ARL4D: variants seen among roughly 807,000 people sequenced by gnomAD.
ARL4D encodes the protein ARF like GTPase 4D.
In ARL4D, 1 loss-of-function variant was observed where a neutral mutation model predicts 0.6. The ratio of observed to expected loss-of-function variants is 1.64; its 90% CI spans 0.58 to 7.76. ARL4D has a LOEUF of 7.76. ARL4D is among the 30% of genes most tolerant of loss of function. The pLI is 0.14. For synonymous variants in ARL4D, 102 were observed against 115.2 expected, an observed-to-expected ratio of 0.89 and a Z score of 0.73; for missense variants, 230 against 264.5, an observed-to-expected ratio of 0.87 and a Z score of 0.90.
At chr17:43,399,315 T>A (rs1392484110) in intron 1 of ARL4D, among the ~76,000 whole-genome samples, 1 of 151,932 alleles carries the variant, frequency 6.6e-6, no homozygotes, top group Non-Finnish European at 1.5e-5. Flanking sequence ...TAGCTCTTAG[T>A]TTGGGGGCAC....
chr17:43,399,540 AAGG>A, intron 1 of ARL4D, 118 bp from the exon 2 acceptor site: 1 of 722,030 alleles, frequency 1.4e-6, no homozygotes, highest in Admixed American at 3.2e-5. Flanking sequence ...AAAAAAAAAA[AAGG>A]AAAGGAATTT....
Position 43,400,601 on chromosome 17 carries a change from T to G in ARL4D, c.*263T>G. The G allele has an allele frequency of 2.6e-6, 1 of 386,332 alleles. No homozygotes were observed. The highest frequency in any genetic ancestry group is 4.4e-5 in the East Asian group (1 of 22,594). 23.9% of individuals were successfully genotyped at this position (386,332 alleles called of 1,614,324 possible). A position where few individuals can be genotyped will look rare whatever the true frequency, so the allele number is the denominator to read the frequency against. On this transcript the variant is annotated 3_prime_UTR_variant, in exon 2 of 2. Transcript: ENST00000320033. ...GAGACGTAAATGTAAACTGTGACTCTACCTCGACCCTGTTTCTTATTTTTC... is the reference window on the plus strand; with the variant it reads ...GAGACGTAAATGTAAACTGTGACTCGACCTCGACCCTGTTTCTTATTTTTC...
At position 43,399,966 on chromosome 17, in the gene ARL4D, G is replaced by A. The variant is rs2058081125; in HGVS notation, c.234G>A (p.Gly78=). 2 of 1,614,060 alleles carry A rather than the reference G, an allele frequency of 1.2e-6. No individual in the cohort carries two copies. The highest frequency in any genetic ancestry group is 2.2e-5 in the East Asian group (1 of 44,854). Reference sequence around the variant, plus strand: ...TCACCTTCCAAGTGTGGGACGTCGGGGGGCAGGAGAAGCTGCGACCACTGT... The same window carrying A: ...TCACCTTCCAAGTGTGGGACGTCGGAGGGCAGGAGAAGCTGCGACCACTGT... The part of the protein sequence containing the change: ...RGITFQVWDV[G]GQEKLRPLWR... The change falls in exon 2 of 2, where the codon GGG becomes GGA. Residue 78 remains glycine (G), a synonymous_variant. Coordinates refer to ENST00000320033, the MANE Select transcript of ARL4D (RefSeq NM_001661.4).
Position 43,399,967 on chromosome 17 carries a change from G to T in ARL4D, c.235G>T (p.Gly79Trp). 1.9e-6 allele frequency: 3 copies of T among 1,614,074 alleles called. No homozygotes were observed. The highest frequency in any genetic ancestry group is 2.5e-6 in the Non-Finnish European group (3 of 1,180,020). Reference sequence around the variant, plus strand: ...CACCTTCCAAGTGTGGGACGTCGGGGGGCAGGAGAAGCTGCGACCACTGTG... The same window carrying T: ...CACCTTCCAAGTGTGGGACGTCGGGTGGCAGGAGAAGCTGCGACCACTGTG... Reference protein sequence around the residue: ...GITFQVWDVGGQEKLRPLWRS... With the variant: ...GITFQVWDVGWQEKLRPLWRS... Residue 79 changes from glycine (G) to tryptophan (W), a missense_variant, in exon 2 of 2, where the codon GGG becomes TGG. By Grantham distance (184) the Gly-to-Trp change is radical. Coordinates refer to ENST00000320033, the MANE Select transcript of ARL4D (RefSeq NM_001661.4).
At chr17:43,399,272 C>T (rs946742465) in intron 1 of ARL4D, among the ~76,000 whole-genome samples, 179 bp downstream of exon 1, 1 of 151,996 alleles carries the variant, frequency 6.6e-6, no homozygotes, top group African/African-American at 2.4e-5. Context: ...GGGTGGGAGC[C>T]GGACTCAATC....
rs1188671534 is a variant in ARL4D, at chr17:43,400,112, G to A, written c.380G>A (p.Gly127Asp). ...HRISRASDNQGVPVLVLANKQ... is the reference protein window; with the variant it reads ...HRISRASDNQDVPVLVLANKQ... ...ATCAGCCGGGCCTCGGACAACCAGG[G>A]CGTGCCAGTGCTGGTGCTGGCCAAC... Residue 127 changes from glycine to aspartate, a missense_variant, in exon 2 of 2, where the codon GGC becomes GAC. Gly to Asp is a moderately conservative substitution (Grantham distance 94). Around this residue, in one of 3 missense-constraint regions of ARL4D, gnomAD observed 131 missense variants for 134.4 expected, o/e 0.97. Coordinates refer to ENST00000320033, the MANE Select transcript of ARL4D (RefSeq NM_001661.4). The A allele has an allele frequency of 2.5e-6, 4 of 1,610,742 alleles. No individual in the cohort carries two copies. The highest frequency in any genetic ancestry group is 1.1e-5 in the South Asian group (1 of 91,072).
chr17:43,400,398 G>A lies in ARL4D; in HGVS notation c.*60G>A, dbSNP rs997417710. 1 of 1,519,132 alleles carries A rather than the reference G, an allele frequency of 6.6e-7. No homozygotes were observed. Among genetic ancestry groups the A allele is most frequent in the East Asian group, 2.3e-5 (1 of 44,022 alleles). 94.1% of individuals were successfully genotyped at this position (1,519,132 alleles called of 1,614,324 possible). A position where few individuals can be genotyped will look rare whatever the true frequency, so the allele number is the denominator to read the frequency against. ...GGGGTCTGCACACTTGGACAGCAGG[G>A]TGGGACCAGCCTGTGACCTCTCAGT... On this transcript the variant is annotated 3_prime_UTR_variant, in exon 2 of 2. Coordinates refer to ENST00000320033, the MANE Select transcript of ARL4D (RefSeq NM_001661.4).
In ARL4D at chr17:43,400,100, C is replaced by G; in HGVS notation, c.368C>G (p.Ser123Trp). The G allele has an allele frequency of 1.9e-6, 3 of 1,611,522 alleles. No individual in the cohort carries two copies. The highest frequency in any genetic ancestry group is 1.7e-6 in the Non-Finnish European group (2 of 1,179,946). The change falls in exon 2 of 2, where the codon TCG becomes TGG. Residue 123 changes from serine to tryptophan, a missense_variant. By Grantham distance (177) the Ser-to-Trp change is radical. This residue lies in a region of ARL4D where 131 missense variants were observed against 134.4 expected (regional missense o/e 0.97). Transcript: ENST00000320033. ...GAGTTGCACCGAATCAGCCGGGCCT[C>G]GGACAACCAGGGCGTGCCAGTGCTG... Reference protein sequence around the residue: ...KVELHRISRASDNQGVPVLVL... With the variant: ...KVELHRISRAWDNQGVPVLVL...
chr17:43,399,182 GGA>G (rs1567909380), intron 1 of ARL4D, 89 bp downstream of exon 1: 2 of 157,674 alleles, frequency 1.3e-5, no homozygotes, highest in African/African-American at 2.4e-5. Context: ...CGGGCGGGCA[GGA>G]GAGTGTCGCG....
chr17:43,399,818 T>A lies in ARL4D; in HGVS notation c.86T>A (p.Leu29Gln). 6.2e-7 allele frequency: 1 copy of A among 1,614,058 alleles called. No homozygotes were observed. The highest frequency in any genetic ancestry group is 1.1e-5 in the South Asian group (1 of 91,068). Residue 29 changes from leucine (L) to glutamine (Q), a missense_variant, in exon 2 of 2, where the codon CTG becomes CAG. Coordinates refer to ENST00000320033, the MANE Select transcript of ARL4D (RefSeq NM_001661.4). ...GCCCTGCATGTCGTGGTCATTGGGC[T>A]GGACTCTGCTGGAAAGACCTCCCTC... is the stretch of plus-strand genomic sequence containing the variant. Reference protein sequence around the residue: ...FQALHVVVIGLDSAGKTSLLY... With the variant: ...FQALHVVVIGQDSAGKTSLLY...
In ARL4D at chr17:43,400,958, T is replaced by C. The variant is rs1313712546; in HGVS notation, c.*620T>C. 1.2e-5 allele frequency: 2 copies of C among 167,098 alleles called. No individual in the cohort carries two copies. The highest frequency in any genetic ancestry group is 2.9e-5 in the Non-Finnish European group (2 of 68,140). 10.4% of individuals were successfully genotyped at this position (167,098 alleles called of 1,614,324 possible). A position where few individuals can be genotyped will look rare whatever the true frequency, so the allele number is the denominator to read the frequency against. ...TAGCTCTTACCTTGGTCTGGGGCAT[T>C]TTCCTCTCCTTATCTTGCCCCAGAG... On this transcript the variant is annotated 3_prime_UTR_variant, in exon 2 of 2. Transcript: ENST00000320033.
rs200670918 is a variant in ARL4D at position 43,400,345 on chromosome 17, C to G, written c.*7C>G. The G allele has an allele frequency of 6.4e-7, 1 of 1,561,058 alleles. No homozygotes were observed. Among genetic ancestry groups the G allele is most frequent in the East Asian group, 2.3e-5 (1 of 44,422 alleles). ...TGGCAAGAAGAGACGGTGACCCAAG[C>G]CCCCCCTCCCTTTCCTCCCACCTAG... On this transcript the variant is annotated 3_prime_UTR_variant, in exon 2 of 2. Coordinates refer to ENST00000320033, the MANE Select transcript of ARL4D (RefSeq NM_001661.4).
At chr17:43,399,129 C>G (rs1555624844) in intron 1 of ARL4D, 36 bp downstream of exon 1, 1 of 155,990 alleles carries the variant, frequency 6.4e-6, no homozygotes, top group Non-Finnish European at 1.4e-5. Flanking sequence ...GAGGCGGTCC[C>G]GGTGCCGGGC....
In ARL4D at chr17:43,400,196, G is replaced by A. The variant is rs757796175; in HGVS notation, c.464G>A (p.Arg155Gln). The change falls in exon 2 of 2, where the codon CGA (arginine) becomes CAA (glutamine). Residue 155 changes from arginine (R) to glutamine (Q), a missense_variant. This residue lies in a region of ARL4D where 131 missense variants were observed against 134.4 expected (regional missense o/e 0.97). Coordinates refer to ENST00000320033, the MANE Select transcript of ARL4D (RefSeq NM_001661.4). ...AAEVEKRLAV[R>Q]ELAAATLTHV... The stretch of plus-strand genomic sequence containing the variant: ...GAGGTGGAGAAGAGGCTGGCAGTCC[G>A]AGAGCTAGCAGCCGCCACTCTCACT... The A allele has an allele frequency of 1.9e-6, 3 of 1,595,572 alleles. No individual in the cohort carries two copies. Among genetic ancestry groups the A allele is most frequent in the East Asian group, 2.3e-5 (1 of 44,104 alleles).
In ARL4D at chr17:43,400,537, T is replaced by C; in HGVS notation, c.*199T>C. 1 of 648,638 alleles carries C rather than the reference T, an allele frequency of 1.5e-6. No homozygotes were observed. The highest frequency in any genetic ancestry group is 1.8e-5 in the African/African-American group (1 of 54,834). 40.2% of individuals were successfully genotyped at this position (648,638 alleles called of 1,614,324 possible). A position where few individuals can be genotyped will look rare whatever the true frequency, so the allele number is the denominator to read the frequency against. ...GAGATGGGATGTCTTTGCATATCTC[T>C]CTCATCCTCTCTGGAGAAGTGGGCG... On this transcript the variant is annotated 3_prime_UTR_variant, in exon 2 of 2. Coordinates refer to ENST00000320033, the MANE Select transcript of ARL4D (RefSeq NM_001661.4).
At position 43,400,750 on chromosome 17, in the gene ARL4D, C is replaced by T. The variant is rs962707831; in HGVS notation, c.*412C>T. The T allele has an allele frequency of 1.1e-5, 2 of 180,060 alleles. No homozygotes were observed. Among genetic ancestry groups the T allele is most frequent in the Admixed American group, 5.7e-5 (1 of 17,578 alleles). The allele number at this position is 180,060 out of a possible 1,614,324, so 11.2% of individuals were successfully genotyped here. A position where few individuals can be genotyped will look rare whatever the true frequency, so the allele number is the denominator to read the frequency against. On this transcript the variant is annotated 3_prime_UTR_variant, in exon 2 of 2. Coordinates refer to ENST00000320033, the MANE Select transcript of ARL4D (RefSeq NM_001661.4). The stretch of plus-strand genomic sequence containing the variant: ...TCTGTCCCCCAACTGGGGAGTCTCC[C>T]CAGGCTGCTTTTCTAGGAATACCAG...
At position 43,400,478 on chromosome 17, in the gene ARL4D, G is replaced by A; in HGVS notation, c.*140G>A. On this transcript the variant is annotated 3_prime_UTR_variant, in exon 2 of 2. Transcript: ENST00000320033. ...AATGAAGGAGAGAGGAGCATGGGGT[G>A]TCCCGTTTTGGTGCCACACTGGGGT... The A allele has an allele frequency of 8.5e-7, 1 of 1,175,128 alleles. No individual in the cohort carries two copies. Among genetic ancestry groups the A allele is most frequent in the Admixed American group, 2.9e-5 (1 of 34,544 alleles). The allele number at this position is 1,175,128 out of a possible 1,614,324, so 72.8% of individuals were successfully genotyped here. A position where few individuals can be genotyped will look rare whatever the true frequency, so the allele number is the denominator to read the frequency against.
chr17:43,400,536 C>G lies in ARL4D; in HGVS notation c.*198C>G. 1 of 649,998 alleles carries G rather than the reference C, an allele frequency of 1.5e-6. No individual in the cohort carries two copies. The highest frequency in any genetic ancestry group is 2.6e-6 in the Non-Finnish European group (1 of 379,858). The allele number at this position is 649,998 out of a possible 1,614,324, so 40.3% of individuals were successfully genotyped here. On this transcript the variant is annotated 3_prime_UTR_variant, in exon 2 of 2. Transcript: ENST00000320033. ...GGAGATGGGATGTCTTTGCATATCT[C>G]TCTCATCCTCTCTGGAGAAGTGGGC...
At position 43,399,742 on chromosome 17, in the gene ARL4D, C is replaced by T. The variant is rs1333702358; in HGVS notation, c.10C>T (p.His4Tyr). The change falls in exon 2 of 2, where the codon CAC (histidine) becomes TAC (tyrosine). Residue 4 changes from histidine (H) to tyrosine (Y), a missense_variant. Transcript: ENST00000320033. Reference protein sequence around the residue: MGNHLTEMAPTASS... With the variant: MGNYLTEMAPTASS... ...GGCGCCTTAGCTCACTATGGGGAAC[C>T]ACTTGACTGAGATGGCGCCCACTGC... 1.2e-6 allele frequency: 2 copies of T among 1,612,480 alleles called. No individual in the cohort carries two copies. The highest frequency in any genetic ancestry group is 1.7e-6 in the Non-Finnish European group (2 of 1,178,922).
Sources: allele counts gnomAD v4.1 joint callset (sites outside exome capture counted in the v4.1 genomes callset), GRCh38; gene constraint gnomAD v4.1.1; regional missense constraint gnomAD v4.1.1; transcripts MANE v1.5; gene names NCBI Gene and HGNC (gene_info 2026-07-23, HGNC 2026-07-21).